CYB5RL: variants seen among roughly 807,000 people sequenced by gnomAD.
CYB5RL encodes NADH-cytochrome b5 reductase-like.
Under a neutral mutation model 37.5 loss-of-function variants are expected in CYB5RL, and 38 were observed. The observed-to-expected ratio is 1.01, with a 90% CI of 0.78 to 1.33. The LOEUF (loss-of-function observed/expected upper bound fraction) is 1.33, where lower values mean the gene tolerates loss of function less well. Ranked by LOEUF, CYB5RL falls within the 40% of genes most tolerant of loss-of-function variation. CYB5RL has a pLI of 0.00. For synonymous variants in CYB5RL, 141 were observed against 151.9 expected (o/e 0.93, Z 0.53); for missense variants, 388 against 394.4 (o/e 0.98, Z 0.14).
At chr1:54,190,380 C>T (rs906198676) in intron 4 of CYB5RL, among the ~76,000 whole-genome samples, 5 of 152,326 alleles carry the variant, frequency 3.3e-5, no homozygotes, top group Non-Finnish European at 4.4e-5. Context: ...GCCTTCAAAT[C>T]CTGGCTCCAA....
intron 6 of CYB5RL, among the ~76,000 whole-genome samples, chr1:54,182,744 G>A (rs1182196116): frequency 6.6e-6 from 1 of 152,060 alleles, no homozygotes; most frequent in Non-Finnish European, 1.5e-5. Flanking sequence ...GTAGAGACAG[G>A]ATTTTGCCAT....
intron 6 of CYB5RL, among the ~76,000 whole-genome samples, chr1:54,182,977 T>A (rs923097134): frequency 1.3e-5 from 2 of 152,268 alleles, no homozygotes; most frequent in Non-Finnish European, 2.9e-5. Context: ...CTGCAAATGA[T>A]TTAGAAAGTA....
At chr1:54,180,833 T>C (rs1051067082) in intron 6 of CYB5RL, among the ~76,000 whole-genome samples, 1 of 152,062 alleles carries the variant, frequency 6.6e-6, no homozygotes, top group Non-Finnish European at 1.5e-5. Context: ...CTCAGAACTG[T>C]TACCAGGATT....
chr1:54,190,966 T>G (rs2100478622), intron 3 of CYB5RL, 70 bp from the exon 4 acceptor site: 1 of 1,546,024 alleles, frequency 6.5e-7, no homozygotes, highest in East Asian at 2.3e-5. Context: ...ATAGCATCCT[T>G]CCCACTGTCC....
chr1:54,186,918 T>G (rs1245535612), intron 5 of CYB5RL, among the ~76,000 whole-genome samples: 1 of 152,000 alleles, frequency 6.6e-6, no homozygotes, highest in Non-Finnish European at 1.5e-5. Flanking sequence ...TCATGTCTTA[T>G]AACATAGATT....
chr1:54,179,367 G>A lies in CYB5RL; in HGVS notation c.541-15C>T, dbSNP rs1660102603. The A allele has an allele frequency of 4.4e-6, 7 of 1,607,922 alleles. No homozygotes were observed. Among genetic ancestry groups the A allele is most frequent in the Admixed American group, 1.7e-5 (1 of 59,252 alleles). On this transcript the variant is annotated splice_polypyrimidine_tract_variant and intron_variant, in intron 6 of 7. Transcript: ENST00000534324. ...AGCTCACCATACTGGGGAACAGAAG[G>A]GGTATGTATGACAGGTGGGTTGGGA...
rs1301889176 is a variant in CYB5RL at position 54,171,460 on chromosome 1, T to G, written c.*3159A>C. 2.2e-6 allele frequency: 1 copy of G among 455,782 alleles called. No individual in the cohort carries two copies. Among genetic ancestry groups the G allele is most frequent in the Non-Finnish European group, 4.4e-6 (1 of 226,664 alleles). 28.2% of individuals were successfully genotyped at this position (455,782 alleles called of 1,614,324 possible). A position where few individuals can be genotyped will look rare whatever the true frequency, so the allele number is the denominator to read the frequency against. On this transcript the variant is annotated 3_prime_UTR_variant, in exon 8 of 8. Transcript: ENST00000534324. ...TGGAGGTGGCATGGAGACTGGGAGC[T>G]GGGAGACCCATGAGGGGAACACAGA...
At chr1:54,194,823 T>C (rs1021181890) in intron 3 of CYB5RL, among the ~76,000 whole-genome samples, 6 of 152,164 alleles carry the variant, frequency 3.9e-5, no homozygotes, top group African/African-American at 1.2e-4. Context: ...TCAGAAGGAA[T>C]AGGTCCTCAG....
intron 7 of CYB5RL, among the ~76,000 whole-genome samples, chr1:54,178,024 G>A (rs761636896): frequency 4.0e-4 from 61 of 152,146 alleles, no homozygotes; most frequent in Non-Finnish European, 2.1e-4. Context: ...CATCCCTCGC[G>A]CCCACCCCTT....
At chr1:54,197,212 G>A (rs776963034) in intron 1 of CYB5RL, among the ~76,000 whole-genome samples, 32 of 152,126 alleles carry the variant, frequency 2.1e-4, no homozygotes, top group Non-Finnish European at 3.4e-4. Context: ...ACAGGTGCAG[G>A]TGAAGGCCTG....
rs1362687303 is a variant in CYB5RL, at chr1:54,180,557, T to C, written c.541-1205A>G. On this transcript the variant is annotated intron_variant, in intron 6 of 7. Coordinates refer to ENST00000534324, the MANE Select transcript of CYB5RL (RefSeq NM_001031672.4). ...AGGCGGAGCTTGCAGTGAGCTGAGA[T>C]CGCGCCACTGCACTCCAGCCTGGGT... Among the ~76,000 whole-genome samples, 7 of 149,928 alleles carry C rather than the reference T, an allele frequency of 4.7e-5. No homozygotes were observed. In the South Asian group the frequency reaches 6.3e-4, roughly 14 times the overall value.
At chr1:54,177,722 A>G (rs1422761659) in intron 7 of CYB5RL, among the ~76,000 whole-genome samples, 1 of 152,212 alleles carries the variant, frequency 6.6e-6, no homozygotes, top group African/African-American at 2.4e-5. Context: ...TAAATTAAAT[A>G]AAGTGCTTAG....
chr1:54,196,021 G>A (rs929946354), intron 2 of CYB5RL, among the ~76,000 whole-genome samples: 1 of 152,226 alleles, frequency 6.6e-6, no homozygotes, highest in Non-Finnish European at 1.5e-5. Flanking sequence ...GCACAGGAGG[G>A]TGTCTTATTC....
Position 54,171,935 on chromosome 1 carries a change from C to A in CYB5RL, c.*2684G>T. On this transcript the variant is annotated 3_prime_UTR_variant, in exon 8 of 8. Coordinates refer to ENST00000534324, the MANE Select transcript of CYB5RL (RefSeq NM_001031672.4). ...AGGCTTCTTGGCACCAAGGGCACGG[C>A]TGGGTCCCCACCAATGTCCCATGAT... is the stretch of plus-strand genomic sequence containing the variant. 1 of 170,864 alleles carries A rather than the reference C, an allele frequency of 5.9e-6. No homozygotes were observed. Among genetic ancestry groups the A allele is most frequent in the Non-Finnish European group, 1.3e-5 (1 of 77,308 alleles). The allele number at this position is 170,864 out of a possible 1,614,324, so 10.6% of individuals were successfully genotyped here. A position where few individuals can be genotyped will look rare whatever the true frequency, so the allele number is the denominator to read the frequency against.
chr1:54,188,735 A>G (rs1643924294), intron 4 of CYB5RL, among the ~76,000 whole-genome samples: 2 of 152,200 alleles, frequency 1.3e-5, no homozygotes, highest in African/African-American at 4.8e-5. Context: ...TGGGTTCCTC[A>G]CCACTGTTCT....
Position 54,174,510 on chromosome 1 carries a change from A to T in CYB5RL, c.*109T>A. On this transcript the variant is annotated 3_prime_UTR_variant, in exon 8 of 8. Coordinates refer to ENST00000534324, the MANE Select transcript of CYB5RL (RefSeq NM_001031672.4). ...ACACTTGCCCAAGGTCACCTGGCAA[A>T]TGAGCAGCAGGACCAGGCCTGGACT... 7.5e-7 allele frequency: 1 copy of T among 1,331,878 alleles called. No individual in the cohort carries two copies. 82.5% of individuals were successfully genotyped at this position (1,331,878 alleles called of 1,614,324 possible). A position where few individuals can be genotyped will look rare whatever the true frequency, so the allele number is the denominator to read the frequency against.
chr1:54,181,850 G>C (rs1660168637), intron 6 of CYB5RL, among the ~76,000 whole-genome samples: 2 of 152,232 alleles, frequency 1.3e-5, no homozygotes, highest in African/African-American at 2.4e-5. Context: ...CTACTTGGGA[G>C]GCTGAGGCAG....
intron 6 of CYB5RL, 186 bp downstream of exon 6, chr1:54,183,975 C>T: frequency 2.8e-6 from 1 of 353,122 alleles, no homozygotes; most frequent in East Asian, 6.3e-5. Flanking sequence ...AACTCCGTCT[C>T]TAAATAAATA....
At chr1:54,185,854 G>A (rs968947748) in intron 5 of CYB5RL, 1 of 152,428 alleles carries the variant, frequency 6.6e-6, no homozygotes, top group Admixed American at 6.5e-5. Context: ...TGTGTTGTGG[G>A]AGGGACCCAG....
Sources: allele counts gnomAD v4.1 joint callset (sites outside exome capture counted in the v4.1 genomes callset), GRCh38; gene constraint gnomAD v4.1.1; transcripts MANE v1.5; gene names NCBI Gene and HGNC (gene_info 2026-07-23, HGNC 2026-07-21).